Variants in LIN7A observed in about 807,000 individuals in gnomAD.
LIN7A encodes lin-7 cell polarity scaffold A.
In LIN7A, 25 loss-of-function variants were observed where a neutral mutation model predicts 29.8. That is an observed-to-expected ratio of 0.84 (90% CI 0.61 to 1.17). LIN7A has a LOEUF of 1.17. LIN7A is among the 50% of genes most tolerant of loss of function. LIN7A has a pLI of 0.00. For missense variants in LIN7A, 239 were observed against 287.0 expected, an observed-to-expected ratio of 0.83 and a Z score of 1.21; for synonymous variants, 118 against 107.5, an observed-to-expected ratio of 1.10 and a Z score of -0.60.
intron 2 of LIN7A, among the ~76,000 whole-genome samples, chr12:80,878,753 G>A (rs749606429): frequency 2.6e-5 from 4 of 151,968 alleles, no homozygotes; most frequent in Non-Finnish European, 4.4e-5. Context: ...TACAGAGCAC[G>A]GATTGGTCCA....
chr12:80,917,402 G>A (rs570824516), intron 1 of LIN7A, among the ~76,000 whole-genome samples: 17 of 152,200 alleles, frequency 1.1e-4, no homozygotes, highest in Admixed American at 4.6e-4. Flanking sequence ...TAAACTGGCT[G>A]TTTTAATACT....
chr12:80,897,206 T>C (rs1331036129), intron 1 of LIN7A, among the ~76,000 whole-genome samples: 2 of 152,194 alleles, frequency 1.3e-5, no homozygotes, highest in African/African-American at 4.8e-5. Context: ...CTTTCATTTT[T>C]TTCTCCTTAT....
chr12:80,856,802 C>T (rs974516100), intron 2 of LIN7A, among the ~76,000 whole-genome samples: 1 of 152,078 alleles, frequency 6.6e-6, no homozygotes, highest in Non-Finnish European at 1.5e-5. Flanking sequence ...ATCTGACAAC[C>T]AAGTTATTAA....
chr12:80,928,166 A>G (rs1306835170), intron 1 of LIN7A, among the ~76,000 whole-genome samples: 1 of 152,196 alleles, frequency 6.6e-6, no homozygotes, highest in Non-Finnish European at 1.5e-5. Flanking sequence ...TGCAATAAAC[A>G]TACATGTGCA....
At position 80,821,826 on chromosome 12, in the gene LIN7A, C is replaced by T. The variant is rs574716421; in HGVS notation, c.484-10143G>A. Among the ~76,000 whole-genome samples the T allele has an allele frequency of 7.9e-5, 12 of 152,308 alleles. No homozygotes were observed. In the East Asian group the frequency reaches 2.1e-3, roughly 27 times the overall value. ...TCTCAGGGACCCATGAAACCCCTCTCCCCTTGCAGGCTCAGAAGTGCCTGC... is the reference window on the plus strand; with the variant it reads ...TCTCAGGGACCCATGAAACCCCTCTTCCCTTGCAGGCTCAGAAGTGCCTGC... On this transcript the variant is annotated intron_variant, in intron 4 of 5. Transcript: ENST00000552864.
At chr12:80,878,186 C>T (rs1451978833) in intron 2 of LIN7A, among the ~76,000 whole-genome samples, 5 of 152,204 alleles carry the variant, frequency 3.3e-5, no homozygotes, top group African/African-American at 1.2e-4. Context: ...CTTAAGATCA[C>T]TGACCCATTA....
intron 2 of LIN7A, among the ~76,000 whole-genome samples, chr12:80,888,604 G>C (rs528667513): frequency 6.6e-6 from 1 of 152,174 alleles, no homozygotes; most frequent in South Asian, 2.1e-4. Flanking sequence ...AAGGAGTAAT[G>C]GGTTACCAAG....
intron 2 of LIN7A, among the ~76,000 whole-genome samples, chr12:80,878,789 G>A (rs554740097): frequency 6.6e-6 from 1 of 152,192 alleles, no homozygotes; most frequent in East Asian, 1.9e-4. Flanking sequence ...GCCACAGAGA[G>A]CTGATTGGTG....
At chr12:80,882,880 A>G (rs910644675) in intron 2 of LIN7A, among the ~76,000 whole-genome samples, 2 of 152,212 alleles carry the variant, frequency 1.3e-5, no homozygotes, top group African/African-American at 4.8e-5. Context: ...AAAAGAGAAT[A>G]AGCAAAACCA....
At chr12:80,893,149 G>A (rs1224584170) in intron 1 of LIN7A, among the ~76,000 whole-genome samples, 1 of 152,104 alleles carries the variant, frequency 6.6e-6, no homozygotes, top group Non-Finnish European at 1.5e-5. Flanking sequence ...CAGAATTCCA[G>A]AAACCCTTGT....
intron 2 of LIN7A, among the ~76,000 whole-genome samples, chr12:80,873,336 C>A (rs144276240): frequency 1.3e-5 from 2 of 151,938 alleles, no homozygotes; most frequent in African/African-American, 4.8e-5. Context: ...TCAAGACCAG[C>A]CTGGGCAACA....
At chr12:80,856,699 G>C (rs970492900) in intron 2 of LIN7A, among the ~76,000 whole-genome samples, 18 of 152,120 alleles carry the variant, frequency 1.2e-4, no homozygotes, top group African/African-American at 4.3e-4. Flanking sequence ...AGAAACTTCA[G>C]TTAACACTCA....
At position 80,845,885 on chromosome 12, in the gene LIN7A, C is replaced by A. The variant is rs1873052568; in HGVS notation, c.328G>T (p.Glu110Ter). Residue 110 changes from glutamate to a stop codon, truncating the protein, a stop_gained, in exon 4 of 6, where the codon GAA (glutamate) becomes TAA (stop). Coordinates refer to ENST00000552864, the MANE Select transcript of LIN7A (RefSeq NM_004664.4). LOFTEE classifies it high-confidence loss of function. ...AGGCCTTCATCAGTCTTTGGCAGTT[C>A]AACTACTCGAGGGTGGGAGTGGCCT... ...SEGHSHPRVV[E>*]LPKTDEGLGF... 1 of 1,610,546 alleles carries A rather than the reference C, an allele frequency of 6.2e-7. No homozygotes were observed.
At chr12:80,826,864 A>G (rs1194076096) in intron 4 of LIN7A, among the ~76,000 whole-genome samples, 2 of 152,022 alleles carry the variant, frequency 1.3e-5, no homozygotes, top group Non-Finnish European at 2.9e-5. Context: ...AAATCTATTG[A>G]TGAGTAGAAA....
chr12:80,889,518 C>G, intron 1 of LIN7A, 149 bp from the exon 2 acceptor site: 1 of 593,804 alleles, frequency 1.7e-6, no homozygotes, highest in Non-Finnish European at 3.0e-6. Context: ...TTTTTGGTCT[C>G]ATCTTTTGGT....
chr12:80,829,858 A>T (rs1872261165), intron 4 of LIN7A, among the ~76,000 whole-genome samples: 1 of 152,246 alleles, frequency 6.6e-6, no homozygotes, highest in Non-Finnish European at 1.5e-5. Flanking sequence ...ACTAAATATT[A>T]ACTTACATCC....
At chr12:80,900,888 A>G (rs570345797) in intron 1 of LIN7A, among the ~76,000 whole-genome samples, 8 of 152,336 alleles carry the variant, frequency 5.3e-5, no homozygotes, top group Non-Finnish European at 1.0e-4. Flanking sequence ...ACTGGACTCC[A>G]TCTTTTTATA....
intron 4 of LIN7A, among the ~76,000 whole-genome samples, chr12:80,817,520 A>T (rs571192426): frequency 6.6e-6 from 1 of 152,304 alleles, no homozygotes; most frequent in Admixed American, 6.5e-5. Flanking sequence ...TTCAAGGCAT[A>T]TCTACAGCCA....
chr12:80,927,354 G>A (rs1877660381), intron 1 of LIN7A, among the ~76,000 whole-genome samples: 1 of 151,738 alleles, frequency 6.6e-6, no homozygotes, highest in Non-Finnish European at 1.5e-5. Flanking sequence ...GCAGAGACGG[G>A]GTTTCACCGT....
Sources: gnomAD v4.1 joint callset for allele counts (sites outside exome capture counted in the v4.1 genomes callset) on GRCh38, gnomAD v4.1.1 for gene constraint, MANE v1.5 for transcripts, NCBI Gene and HGNC (gene_info 2026-07-23, HGNC 2026-07-21) for gene names.